The following GABRA5 variants were observed in gnomAD, a reference collection of about 807,000 sequenced individuals.
GABRA5 encodes gamma-aminobutyric acid type A receptor subunit alpha5.
In GABRA5, 18 loss-of-function variants were observed where a neutral mutation model predicts 47.3. The ratio of observed to expected loss-of-function variants is 0.38; its 90% CI spans 0.26 to 0.56. The LOEUF is 0.56. Ranked by LOEUF, GABRA5 falls within the 20% of genes least tolerant of loss-of-function variation. The probability of loss-of-function intolerance (pLI) is 0.71; values close to 1 mark genes in which losing one functional copy is unlikely to be tolerated. For missense variants in GABRA5, 365 were observed against 599.3 expected (o/e 0.61, Z 4.08); for synonymous variants, 237 against 229.3 (o/e 1.03, Z -0.30).
intron 7 of GABRA5, 74 bp from the exon 8 acceptor site, chr15:26,937,111 A>T (rs1894261228): frequency 6.5e-7 from 1 of 1,541,252 alleles, no homozygotes; most frequent in Admixed American, 1.7e-5. Flanking sequence ...TTGCTACTTT[A>T]GTAAAAGCTT....
rs527921622 is a variant in GABRA5 at position 26,924,720 on chromosome 15, G to A, written c.580+9835G>A. 2.7e-3 allele frequency among the ~76,000 whole-genome samples: 410 copies of A among 152,220 alleles called. 1 individual carries two copies. The highest frequency in any genetic ancestry group is 9.5e-3 in the African/African-American group (394 of 41,532). ...TAGGGCAGGGCCACGTTTTTTGGGG[G>A]GATGCTTGGTTGGAGTACAGTGGCC... On this transcript the variant is annotated intron_variant, in intron 7 of 10. Transcript: ENST00000335625.
chr15:26,898,703 T>C (rs983086330), intron 6 of GABRA5, among the ~76,000 whole-genome samples: 1 of 151,194 alleles, frequency 6.6e-6, no homozygotes, highest in African/African-American at 2.4e-5. Context: ...ATTTCCTTTT[T>C]TCAGTTATCT....
chr15:26,902,460 T>A (rs1025821639), intron 6 of GABRA5, among the ~76,000 whole-genome samples: 6 of 152,128 alleles, frequency 3.9e-5, no homozygotes, highest in Admixed American at 6.6e-5. Flanking sequence ...ATAAAATAAT[T>A]GACTTACATA....
chr15:26,931,809 A>G (rs1178620102), intron 7 of GABRA5, among the ~76,000 whole-genome samples: 3 of 152,212 alleles, frequency 2.0e-5, no homozygotes, highest in African/African-American at 7.2e-5. Flanking sequence ...TCAGTTGTCA[A>G]GATATTGAAA....
Position 26,890,375 on chromosome 15 carries a change from A to G in GABRA5, c.497+6818A>G, listed in dbSNP as rs142497890. Among the ~76,000 whole-genome samples the G allele has an allele frequency of 7.3e-3, 1,106 of 151,746 alleles. 7 individuals carry two copies. The highest frequency in any genetic ancestry group is 9.7e-3 in the Non-Finnish European group (662 of 67,974). On this transcript the variant is annotated intron_variant, in intron 6 of 10. Transcript: ENST00000335625. ...TACATGAGATCCAATTAGCCAGTCC[A>G]TTGAAAACCATGCATAACAGTTACT...
intron 7 of GABRA5, among the ~76,000 whole-genome samples, chr15:26,925,363 A>G (rs1337130226): frequency 6.6e-6 from 1 of 152,106 alleles, no homozygotes; most frequent in Non-Finnish European, 1.5e-5. Context: ...ATTTATATTT[A>G]GTGCCTTAAG....
At chr15:26,927,023 G>A (rs1456664186) in intron 7 of GABRA5, among the ~76,000 whole-genome samples, 2 of 151,972 alleles carry the variant, frequency 1.3e-5, no homozygotes, top group Non-Finnish European at 1.5e-5. Flanking sequence ...TTATATATAA[G>A]AAGTAAAACC....
intron 7 of GABRA5, among the ~76,000 whole-genome samples, chr15:26,925,230 T>A (rs111827977): frequency 0.034 from 5,167 of 152,196 alleles, 293 homozygotes; most frequent in African/African-American, 0.12. Flanking sequence ...CTCATCTTCT[T>A]CCTCTTTTTT....
chr15:26,940,307 C>T (rs1158502827), intron 9 of GABRA5, among the ~76,000 whole-genome samples: 3 of 152,152 alleles, frequency 2.0e-5, no homozygotes, highest in African/African-American at 7.2e-5. Context: ...TAGTTATTTA[C>T]TTGTTGAAAA....
At chr15:26,881,426 T>C (rs1892727164) in intron 4 of GABRA5, among the ~76,000 whole-genome samples, 1 of 152,202 alleles carries the variant, frequency 6.6e-6, no homozygotes, top group African/African-American at 2.4e-5. Context: ...TATATCTTTA[T>C]GGGTTATGCA....
At chr15:26,876,708 A>AAG (rs1427830008) in intron 3 of GABRA5, among the ~76,000 whole-genome samples, 1 of 152,166 alleles carries the variant, frequency 6.6e-6, no homozygotes, top group African/African-American at 2.4e-5. Context: ...GTTTTCATGG[A>AAG]AGACGGGCAA....
At chr15:26,899,010 A>G (rs1305137451) in intron 6 of GABRA5, among the ~76,000 whole-genome samples, 1 of 152,160 alleles carries the variant, frequency 6.6e-6, no homozygotes, top group Admixed American at 6.5e-5. Flanking sequence ...AGTTAGGCAC[A>G]TGACACCATG....
At chr15:26,899,532 G>C (rs557283783) in intron 6 of GABRA5, among the ~76,000 whole-genome samples, 5 of 152,232 alleles carry the variant, frequency 3.3e-5, no homozygotes, top group South Asian at 2.1e-4. Flanking sequence ...GGGATATTCA[G>C]GTTTCCAACT....
chr15:26,938,419 A>G (rs1043409110), intron 8 of GABRA5, among the ~76,000 whole-genome samples: 1 of 152,226 alleles, frequency 6.6e-6, no homozygotes, highest in African/African-American at 2.4e-5. Context: ...TTCTTTAAAT[A>G]TTAATAACTG....
Position 26,884,551 on chromosome 15 carries a change from A to G in GABRA5, c.497+994A>G, listed in dbSNP as rs191935649. Among the ~76,000 whole-genome samples the G allele has an allele frequency of 8.5e-5, 13 of 152,302 alleles. No individual in the cohort carries two copies. In the East Asian group the frequency reaches 2.5e-3, roughly 29 times the overall value. Reference sequence around the variant, plus strand: ...TTTGCATAGGTACTGGAATTTCTCTATCTTGCTACAATTTTTCACGGTAAA... The same window carrying G: ...TTTGCATAGGTACTGGAATTTCTCTGTCTTGCTACAATTTTTCACGGTAAA... On this transcript the variant is annotated intron_variant, in intron 6 of 10. Coordinates refer to ENST00000335625, the MANE Select transcript of GABRA5 (RefSeq NM_000810.4).
chr15:26,937,788 G>A (rs1445920893), intron 8 of GABRA5, among the ~76,000 whole-genome samples: 1 of 152,230 alleles, frequency 6.6e-6, no homozygotes, highest in East Asian at 1.9e-4. Flanking sequence ...CCCTGGGCTG[G>A]CCTGAGCCCT....
upstream of GABRA5, chr15:26,866,799 G>A (rs1489677441): frequency 3.3e-5 from 5 of 152,418 alleles, no homozygotes; most frequent in East Asian, 9.7e-4. Flanking sequence ...GAGGCGTTGG[G>A]GCCGGCTCTA....
At chr15:26,903,067 C>T (rs572475957) in intron 6 of GABRA5, among the ~76,000 whole-genome samples, 1 of 152,158 alleles carries the variant, frequency 6.6e-6, no homozygotes, top group East Asian at 1.9e-4. Context: ...TGGTATTAAG[C>T]CTAGTAGCCA....
At chr15:26,917,130 G>A (rs1283442606) in intron 7 of GABRA5, among the ~76,000 whole-genome samples, 1 of 152,052 alleles carries the variant, frequency 6.6e-6, no homozygotes, top group African/African-American at 2.4e-5. Context: ...GTAATGGTGG[G>A]TGGGTATCTT....
Sources: gnomAD v4.1 joint callset for allele counts (sites outside exome capture counted in the v4.1 genomes callset) on GRCh38, gnomAD v4.1.1 for gene constraint, MANE v1.5 for transcripts, NCBI Gene and HGNC (gene_info 2026-07-23, HGNC 2026-07-21) for gene names.